Variants in PAK3 observed in about 807,000 individuals in gnomAD.
The protein encoded by PAK3 is p21 (RAC1) activated kinase 3, also known as serine/threonine-protein kinase PAK 3.
A neutral mutation model predicts 41.0 loss-of-function variants in PAK3; 4 were observed. The observed-to-expected ratio is 0.10, with a 90% CI of 0.05 to 0.22. The LOEUF (loss-of-function observed/expected upper bound fraction) is 0.22. Ranked by LOEUF, PAK3 falls within the 10% of genes least tolerant of loss-of-function variation. PAK3 has a pLI of 1.00. For synonymous variants in PAK3, 146 were observed against 139.6 expected, an observed-to-expected ratio of 1.05 and a Z score of -0.32; for missense variants, 205 against 409.9, an observed-to-expected ratio of 0.50 and a Z score of 4.32.
chrX:111,193,495 G>C (rs937200525), intron 13 of PAK3, among the ~76,000 whole-genome samples: 5 of 109,838 alleles, frequency 4.6e-5, no homozygotes, highest in African/African-American at 1.7e-4. Context: ...GATTACAGGC[G>C]TGTGTCACCA....
At chrX:111,104,311 C>A (rs2093209477) in intron 4 of PAK3, among the ~76,000 whole-genome samples, 1 of 107,201 alleles carries the variant, frequency 9.3e-6, no homozygotes, top group Non-Finnish European at 1.9e-5. Context: ...CAAAAAACAA[C>A]CAACAAAATT....
At chrX:110,944,845 C>T (rs959095862) in intron 1 of PAK3, among the ~76,000 whole-genome samples, 1 of 111,971 alleles carries the variant, frequency 8.9e-6, no homozygotes, top group African/African-American at 3.2e-5. Context: ...TGAAGCTGCC[C>T]GGACTCCTGC....
chrX:111,178,091 T>G (rs2094425540), intron 11 of PAK3, among the ~76,000 whole-genome samples: 1 of 111,091 alleles, frequency 9.0e-6, no homozygotes, highest in Non-Finnish European at 1.9e-5. Flanking sequence ...TCTATACTTG[T>G]GGTCCCCCTG....
At chrX:111,107,216 C>A (rs1447283701) in intron 4 of PAK3, among the ~76,000 whole-genome samples, 1 of 112,018 alleles carries the variant, frequency 8.9e-6, no homozygotes, top group Non-Finnish European at 1.9e-5. Flanking sequence ...TTCCACCAGG[C>A]ACCTCTAATC....
chrX:111,207,427 A>C (rs1165351852), intron 16 of PAK3, among the ~76,000 whole-genome samples: 2 of 111,575 alleles, frequency 1.8e-5, no homozygotes, highest in Non-Finnish European at 3.8e-5. Context: ...CATGTGCTGC[A>C]TAACAATGTT....
intron 1 of PAK3, among the ~76,000 whole-genome samples, chrX:111,061,496 G>A (rs947277629): frequency 3.6e-5 from 4 of 111,662 alleles, no homozygotes; most frequent in Admixed American, 1.9e-4. Flanking sequence ...TTTAGAGTTC[G>A]CTTGTCAAAC....
At chrX:111,071,236 C>T (rs992872168) in intron 1 of PAK3, among the ~76,000 whole-genome samples, 2 of 111,884 alleles carry the variant, frequency 1.8e-5, no homozygotes, top group Non-Finnish European at 3.8e-5. Context: ...TTCACCTACA[C>T]CCTTGACAAG....
intron 1 of PAK3, among the ~76,000 whole-genome samples, chrX:110,975,447 A>G (rs1010553556): frequency 8.9e-6 from 1 of 112,012 alleles, no homozygotes; most frequent in Non-Finnish European, 1.9e-5. Context: ...CCACTGCTCA[A>G]TGAAATAAAA....
At chrX:111,094,892 T>A (rs2092960809), upstream of PAK3, among the ~76,000 whole-genome samples, 1 of 110,229 alleles carries the variant, frequency 9.1e-6, no homozygotes, top group South Asian at 3.9e-4. Context: ...TTTCATCATA[T>A]TGGTCAGACT....
intron 11 of PAK3, among the ~76,000 whole-genome samples, chrX:111,187,122 A>G (rs1290318453): frequency 8.9e-6 from 1 of 112,355 alleles, no homozygotes; most frequent in Non-Finnish European, 1.9e-5. Context: ...AAAAATACAT[A>G]TAACTGCTAA....
intron 5 of PAK3, among the ~76,000 whole-genome samples, chrX:111,137,197 A>G (rs2093801484): frequency 9.0e-6 from 1 of 111,575 alleles, no homozygotes; most frequent in South Asian, 3.8e-4. Flanking sequence ...GTGTAGAAGT[A>G]CTGATCTCAA....
At chrX:110,959,988 A>C (rs2090945836) in intron 1 of PAK3, among the ~76,000 whole-genome samples, 1 of 111,920 alleles carries the variant, frequency 8.9e-6, no homozygotes, top group African/African-American at 3.3e-5. Flanking sequence ...TTCTTTTGTC[A>C]ACTCTTGTCT....
intron 1 of PAK3, among the ~76,000 whole-genome samples, chrX:111,026,487 C>G (rs1418750746): frequency 1.8e-5 from 2 of 111,556 alleles, no homozygotes; most frequent in East Asian, 5.6e-4. Flanking sequence ...GTACACAAAT[C>G]AGTATCTCTG....
intron 8 of PAK3, among the ~76,000 whole-genome samples, chrX:111,161,228 A>AT (rs1047494369): frequency 9.0e-6 from 1 of 111,703 alleles, no homozygotes; most frequent in African/African-American, 3.3e-5. Context: ...GATGATGAGC[A>AT]TTTTTTCATG....
intron 5 of PAK3, among the ~76,000 whole-genome samples, chrX:111,129,869 A>G (rs2093695151): frequency 9.0e-6 from 1 of 111,505 alleles, no homozygotes; most frequent in African/African-American, 3.3e-5. Context: ...GCTTTAAAAA[A>G]TGGAGTGTTG....
intron 1 of PAK3, among the ~76,000 whole-genome samples, chrX:110,946,506 G>A (rs186291440): frequency 8.9e-6 from 1 of 112,275 alleles, no homozygotes; most frequent in East Asian, 2.8e-4. Flanking sequence ...TGAACTAAAT[G>A]GACAATATTT....
intron 1 of PAK3, among the ~76,000 whole-genome samples, chrX:110,976,972 G>A (rs1022156417): frequency 9.1e-6 from 1 of 109,421 alleles, no homozygotes; most frequent in Admixed American, 9.9e-5. Flanking sequence ...TTGGGGGGCT[G>A]GGGGAAGGAT....
chrX:111,198,884 A>G (rs542027104), intron 16 of PAK3, among the ~76,000 whole-genome samples: 1 of 111,614 alleles, frequency 9.0e-6, no homozygotes, highest in South Asian at 3.8e-4. Context: ...GTATTTTGAT[A>G]TGAACAGTAT....
intron 16 of PAK3, among the ~76,000 whole-genome samples, chrX:111,197,835 C>G (rs951248102): frequency 3.6e-5 from 4 of 111,331 alleles, no homozygotes; most frequent in South Asian, 7.6e-4. Context: ...GATGGGATTA[C>G]AGGCATGCAC....
Sources: allele counts gnomAD v4.1 joint callset (sites outside exome capture counted in the v4.1 genomes callset), GRCh38; gene constraint gnomAD v4.1.1; transcripts MANE v1.5; gene names NCBI Gene and HGNC (gene_info 2026-07-23, HGNC 2026-07-21).